Variants in PHLPP2 observed in about 807,000 individuals in gnomAD.
PHLPP2 encodes the protein PH domain leucine-rich repeat-containing protein phosphatase 2.
Under a neutral mutation model 124.9 loss-of-function variants are expected in PHLPP2, and 66 were observed. The ratio of observed to expected loss-of-function variants is 0.53; its 90% CI spans 0.43 to 0.65. PHLPP2 has a LOEUF of 0.65. Among genes scored for constraint, PHLPP2 ranks in the 30% least tolerant of loss-of-function variants. The pLI is 0.00. For synonymous variants in PHLPP2, 681 were observed against 624.7 expected, an observed-to-expected ratio of 1.09 and a Z score of -1.34; for missense variants, 1,685 against 1,600.4, an observed-to-expected ratio of 1.05 and a Z score of -0.90.
In PHLPP2 at chr16:71,658,310, C is replaced by A; in HGVS notation, c.2202G>T (p.Leu734Phe). The A allele has an allele frequency of 1.2e-6, 2 of 1,613,654 alleles. No homozygotes were observed. Among genetic ancestry groups the A allele is most frequent in the Non-Finnish European group, 1.7e-6 (2 of 1,179,622 alleles). ...GGTCAAGGTCTTGTAATGTAGCAGGCAAAGCCTCTGGAATCAGGATTTCTG... is the reference window on the plus strand; with the variant it reads ...GGTCAAGGTCTTGTAATGTAGCAGGAAAAGCCTCTGGAATCAGGATTTCTG... ...DLTEILIPEALPATLQDLDLT... is the reference protein window; with the variant it reads ...DLTEILIPEAFPATLQDLDLT... Residue 734 changes from leucine to phenylalanine, a missense_variant, in exon 15 of 19, where the codon TTG (leucine) becomes TTT (phenylalanine). Leu to Phe is a conservative substitution (Grantham distance 22). Transcript: ENST00000568954.
At position 71,669,240 on chromosome 16, in the gene PHLPP2, G is replaced by A. The variant is rs763854421; in HGVS notation, c.1628+35C>T. The A allele has an allele frequency of 5.8e-6, 8 of 1,389,220 alleles. No homozygotes were observed. The African/African-American group carries it at 1.0e-4, about 17-fold the overall frequency. The allele number at this position is 1,389,220 out of a possible 1,614,324, so 86.1% of individuals were successfully genotyped here. ...TAAATACGCACACACGTAAATGTTA[G>A]TATATACATAATATATGCATCCAGG... On this transcript the variant is annotated intron_variant, in intron 11 of 18. Coordinates refer to ENST00000568954, the MANE Select transcript of PHLPP2 (RefSeq NM_015020.3).
intron 11 of PHLPP2, among the ~76,000 whole-genome samples, chr16:71,667,975 C>T (rs377751604): frequency 6.8e-4 from 103 of 152,242 alleles, no homozygotes; most frequent in African/African-American, 2.4e-3. Flanking sequence ...TCACCAAGCC[C>T]CACTCTCTTT....
Position 71,655,380 on chromosome 16 carries a change from C to A in PHLPP2, c.2445G>T (p.Val815=). The A allele has an allele frequency of 1.9e-6, 3 of 1,614,148 alleles. No individual in the cohort carries two copies. Among genetic ancestry groups the A allele is most frequent in the Non-Finnish European group, 8.5e-7 (1 of 1,180,006 alleles). The change falls in exon 17 of 19, where the codon GTG becomes GTT. Residue 815 remains valine (V), a synonymous_variant. Transcript: ENST00000568954. ...MDSFAEGVGA[V]YGMFDGDRNE... is the part of the protein sequence containing the mutation. The stretch of plus-strand genomic sequence containing the variant: ...TTCGGTCTCCATCAAACATGCCATA[C>A]ACAGCTCCCACCCCCTCTGCAAAGC...
At chr16:71,656,729 C>G (rs758033568) in intron 15 of PHLPP2, 48 bp from the exon 16 acceptor site, 2 of 1,059,516 alleles carry the variant, frequency 1.9e-6, no homozygotes, top group Non-Finnish European at 2.9e-6. Flanking sequence ...CTGTATTTTA[C>G]AAAAACTATC....
chr16:71,663,524 A>G (rs530287879), intron 13 of PHLPP2, among the ~76,000 whole-genome samples: 150 of 152,378 alleles, frequency 9.8e-4, no homozygotes, highest in Non-Finnish European at 1.8e-3. Flanking sequence ...AATACTTGAC[A>G]TATAGTAAGC....
chr16:71,690,589 C>G lies in PHLPP2; in HGVS notation c.539G>C (p.Cys180Ser), dbSNP rs1395796724. The change falls in exon 4 of 19, where the codon TGC (cysteine) becomes TCC (serine). Residue 180 changes from cysteine (C) to serine (S), a missense_variant. By Grantham distance (112) the Cys-to-Ser change is moderately radical. Coordinates refer to ENST00000568954, the MANE Select transcript of PHLPP2 (RefSeq NM_015020.3). ...ATCCTTCACTGAGGAAACGATAAGG[C>G]AGGTACCACAGAGGACAACTAGGCG... ...AERLVVLCGT[C>S]LIVSSVKDCQ... The G allele has an allele frequency of 1.7e-5, 28 of 1,612,716 alleles. No individual in the cohort carries two copies. The highest frequency in any genetic ancestry group is 2.4e-5 in the Non-Finnish European group (28 of 1,178,874).
intron 2 of PHLPP2, among the ~76,000 whole-genome samples, chr16:71,709,607 C>T (rs879185912): frequency 6.6e-6 from 1 of 152,102 alleles, no homozygotes; most frequent in East Asian, 1.9e-4. Flanking sequence ...TTTTATCACT[C>T]GAAACAGTTC....
chr16:71,664,887 C>T (rs1217509902), intron 12 of PHLPP2, among the ~76,000 whole-genome samples: 3 of 152,226 alleles, frequency 2.0e-5, no homozygotes, highest in Non-Finnish European at 4.4e-5. Context: ...CTGTAATGAG[C>T]ATCTTTGTAT....
At position 71,714,665 on chromosome 16, in the gene PHLPP2, G is replaced by A. The variant is rs764245041; in HGVS notation, c.131C>T (p.Thr44Ile). ...YLYGADTTTA[T>I]TTTTTSSSSS... Reference sequence around the variant, plus strand: ...GGAAGAGGAGGTGGTGGTGGTTGTAGTGGCAGTGGTAGTGTCTGCTCCATA... The same window carrying A: ...GGAAGAGGAGGTGGTGGTGGTTGTAATGGCAGTGGTAGTGTCTGCTCCATA... Residue 44 changes from threonine (T) to isoleucine (I), a missense_variant, in exon 2 of 19, where the codon ACT becomes ATT. Transcript: ENST00000568954. The A allele has an allele frequency of 1.2e-6, 2 of 1,613,546 alleles. No individual in the cohort carries two copies. Among genetic ancestry groups the A allele is most frequent in the African/African-American group, 2.7e-5 (2 of 74,930 alleles).
In PHLPP2 at chr16:71,658,292, G is replaced by A; in HGVS notation, c.2220C>T (p.Asp740=). 1 of 1,613,718 alleles carries A rather than the reference G, an allele frequency of 6.2e-7. No homozygotes were observed. The highest frequency in any genetic ancestry group is 8.5e-7 in the Non-Finnish European group (1 of 1,179,646). The change falls in exon 15 of 19, where the codon GAC becomes GAT. Residue 740 remains aspartate (D), a synonymous_variant. Coordinates refer to ENST00000568954, the MANE Select transcript of PHLPP2 (RefSeq NM_015020.3). Reference sequence around the variant, plus strand: ...GATTTGTATTTCCAGTCAGGTCAAGGTCTTGTAATGTAGCAGGCAAAGCCT... The same window carrying A: ...GATTTGTATTTCCAGTCAGGTCAAGATCTTGTAATGTAGCAGGCAAAGCCT... The part of the protein sequence containing the change: ...IPEALPATLQ[D]LDLTGNTNLV...
rs1251019088 is a variant in PHLPP2, at chr16:71,678,960, T to C, written c.1063A>G (p.Asn355Asp). 1.9e-6 allele frequency: 3 copies of C among 1,609,750 alleles called. No homozygotes were observed. The East Asian group carries it at 6.7e-5, about 36-fold the overall frequency. ...TCTTCAGGTAAAGTAGTCAGAAAGTTGCCATCAAGACAGAGGGTTTGAAGA... is the reference window on the plus strand; with the variant it reads ...TCTTCAGGTAAAGTAGTCAGAAAGTCGCCATCAAGACAGAGGGTTTGAAGA... ...LNLQTLCLDG[N>D]FLTTLPEELG... Residue 355 changes from asparagine to aspartate, a missense_variant, in exon 8 of 19, where the codon AAC becomes GAC. Coordinates refer to ENST00000568954, the MANE Select transcript of PHLPP2 (RefSeq NM_015020.3).
chr16:71,649,247 G>A lies in PHLPP2; in HGVS notation c.3615C>T (p.Ile1205=). ...EEHARGSCFG[I]RRQNSVNSGM... is the part of the protein sequence containing the mutation. ...CACTATTCACACTGTTCTGTCTTCG[G>A]ATCCCAAAACACGACCCTCTAGCAT... Residue 1205 remains isoleucine (I), a synonymous_variant, in exon 19 of 19, where the codon ATC becomes ATT. Transcript: ENST00000568954. The A allele has an allele frequency of 1.2e-6, 2 of 1,613,934 alleles. No homozygotes were observed. The highest frequency in any genetic ancestry group is 1.7e-6 in the Non-Finnish European group (2 of 1,179,942).
chr16:71,723,636 G>A (rs1193244000), intron 1 of PHLPP2: 8 of 376,018 alleles, frequency 2.1e-5, no homozygotes, highest in Non-Finnish European at 3.1e-5. Context: ...ACTGACGCCG[G>A]GCGGGGGCCG....
chr16:71,671,488 G>A (rs1284780554), intron 10 of PHLPP2, among the ~76,000 whole-genome samples: 1 of 151,818 alleles, frequency 6.6e-6, no homozygotes, highest in African/African-American at 2.4e-5. Flanking sequence ...AAACTCTACC[G>A]CTGAACCCAG....
At chr16:71,655,579 T>C (rs1268899909) in intron 16 of PHLPP2, 145 bp from the exon 17 acceptor site, 3 of 590,072 alleles carry the variant, frequency 5.1e-6, no homozygotes, top group East Asian at 5.8e-5. Flanking sequence ...CTTGCCTCAC[T>C]GCAAGCTCCA....
intron 3 of PHLPP2, among the ~76,000 whole-genome samples, chr16:71,697,210 AT>A (rs1567625222): frequency 5.7e-4 from 24 of 42,240 alleles, no homozygotes; most frequent in East Asian, 0.011. Flanking sequence ...AAATAAATAA[AT>A]AAATAAAAAG....
chr16:71,692,820 T>TTG (rs1475756675), intron 3 of PHLPP2, among the ~76,000 whole-genome samples: 1 of 40,728 alleles, frequency 2.5e-5, no homozygotes, highest in East Asian at 8.9e-3. Flanking sequence ...ATATTTTTCT[T>TTG]TGTTTTTTTA....
chr16:71,661,394 T>A (rs556328270), intron 13 of PHLPP2, among the ~76,000 whole-genome samples: 14 of 152,140 alleles, frequency 9.2e-5, no homozygotes, highest in Non-Finnish European at 1.5e-4. Flanking sequence ...TATTACTAAC[T>A]TCTTATTTTC....
At position 71,680,697 on chromosome 16, in the gene PHLPP2, AC is replaced by A. The variant is rs1278201632; in HGVS notation, c.890+1053del. The stretch of plus-strand genomic sequence containing the variant: ...CTACTTTTAGATTTGAATCCCTGGT[AC>A]CTCACTGTAACGCTTCTCTTCCAAA... On this transcript the variant is annotated intron_variant, in intron 6 of 18. Coordinates refer to ENST00000568954, the MANE Select transcript of PHLPP2 (RefSeq NM_015020.3). 2.0e-5 allele frequency among the ~76,000 whole-genome samples: 3 copies of A among 152,150 alleles called. No individual in the cohort carries two copies. The East Asian group carries it at 5.8e-4, about 29-fold the overall frequency.
Sources: allele counts gnomAD v4.1 joint callset (sites outside exome capture counted in the v4.1 genomes callset), GRCh38; gene constraint gnomAD v4.1.1; transcripts MANE v1.5; gene names NCBI Gene and HGNC (gene_info 2026-07-23, HGNC 2026-07-21).